The following DNAH8 variants were observed in gnomAD, a reference collection of about 807,000 sequenced individuals.
DNAH8 encodes the protein dynein axonemal heavy chain 8, also known as axonemal beta dynein heavy chain 8.
DNAH8 carries 382 observed loss-of-function variants against 562.1 expected under a neutral mutation model. The ratio of observed to expected loss-of-function variants is 0.68; its 90% CI spans 0.63 to 0.74. The LOEUF is 0.74. Among genes scored for constraint, DNAH8 ranks in the 30% least tolerant of loss-of-function variants. The pLI is 0.00. For missense variants in DNAH8, 5,203 were observed against 5,620.4 expected (o/e 0.93, Z 2.37); for synonymous variants, 1,881 against 1,919.4 (o/e 0.98, Z 0.52).
chr6:38,822,768 A>C, intron 26 of DNAH8, 70 bp from the exon 27 acceptor site: 1 of 1,147,908 alleles, frequency 8.7e-7, no homozygotes, highest in African/African-American at 1.6e-5. Context: ...AAGAATCACA[A>C]ATATTAAAAC....
At chr6:38,977,586 G>A (rs1007018763) in intron 85 of DNAH8, among the ~76,000 whole-genome samples, 1 of 152,134 alleles carries the variant, frequency 6.6e-6, no homozygotes, top group Non-Finnish European at 1.5e-5. Context: ...TTCCTGGGTG[G>A]TGTAGCATCC....
intron 32 of DNAH8, among the ~76,000 whole-genome samples, chr6:38,835,675 T>C (rs1419802139): frequency 1.3e-5 from 2 of 151,810 alleles, no homozygotes; most frequent in Admixed American, 1.3e-4. Flanking sequence ...TATGGGGAGA[T>C]GTAAGGAGTG....
intron 36 of DNAH8, 59 bp from the exon 37 acceptor site, chr6:38,848,588 AG>A (rs1408974502): frequency 2.2e-6 from 3 of 1,376,834 alleles, no homozygotes; most frequent in Non-Finnish European, 3.0e-6. Flanking sequence ...TACTTCGGTA[AG>A]GCCATACTAT....
chr6:38,740,345 C>T (rs975416943), intron 7 of DNAH8, among the ~76,000 whole-genome samples: 1 of 152,156 alleles, frequency 6.6e-6, no homozygotes, highest in African/African-American at 2.4e-5. Flanking sequence ...TGATATACCT[C>T]CCCATTTAGG....
intron 7 of DNAH8, among the ~76,000 whole-genome samples, chr6:38,738,445 T>G (rs1390459905): frequency 6.6e-6 from 1 of 152,190 alleles, no homozygotes; most frequent in Non-Finnish European, 1.5e-5. Flanking sequence ...GGTCAAATTT[T>G]TTCTGGCAGT....
rs747278340 is a variant in DNAH8, at chr6:38,908,041, C to T, written c.9434C>T (p.Pro3145Leu). The T allele has an allele frequency of 6.2e-7, 1 of 1,612,160 alleles. No individual in the cohort carries two copies. Among genetic ancestry groups the T allele is most frequent in the Admixed American group, 1.7e-5 (1 of 59,866 alleles). The stretch of plus-strand genomic sequence containing the variant: ...ATGAAGAGGGAGCTACCTCGCCATC[C>T]TCCTACCTTTGATAATTTGTATGAA... Reference protein sequence around the residue: ...SVMKRELPRHPPTFDNLYEYF... With the variant: ...SVMKRELPRHLPTFDNLYEYF... The change falls in exon 64 of 93, where the codon CCT becomes CTT. Residue 3145 changes from proline to leucine, a missense_variant. Pro to Leu is a moderately conservative substitution (Grantham distance 98). Around this residue, in one of 6 missense-constraint regions of DNAH8, gnomAD observed 977 missense variants for 1,061.8 expected, o/e 0.92. Transcript: ENST00000327475.
intron 17 of DNAH8, among the ~76,000 whole-genome samples, chr6:38,786,243 A>G (rs902084194): frequency 2.0e-5 from 3 of 152,230 alleles, no homozygotes; most frequent in African/African-American, 7.2e-5. Context: ...CCTCCTTTCC[A>G]GGATTTCACA....
rs374663858 is a variant in DNAH8 at position 38,917,290 on chromosome 6, C to A, written c.10192C>A (p.His3398Asn). The A allele has an allele frequency of 1.2e-6, 2 of 1,613,272 alleles. No individual in the cohort carries two copies. The highest frequency in any genetic ancestry group is 1.7e-5 in the Admixed American group (1 of 59,974). The change falls in exon 69 of 93, where the codon CAT (histidine) becomes AAT (asparagine). Residue 3398 changes from histidine (H) to asparagine (N), a missense_variant. This residue lies in a region of DNAH8 where 87 missense variants were observed against 144.9 expected (regional missense o/e 0.60). Coordinates refer to ENST00000327475, the MANE Select transcript of DNAH8 (RefSeq NM_001206927.2). The stretch of plus-strand genomic sequence containing the variant: ...AGTCAGGAAACTTGCAAAACCACCA[C>A]ATCTTATTATGAGAATCATGGACTG... ...ATVRKLAKPPHLIMRIMDCVL... is the reference protein window; with the variant it reads ...ATVRKLAKPPNLIMRIMDCVL...
At chr6:38,884,585 C>T (rs576771713) in intron 56 of DNAH8, among the ~76,000 whole-genome samples, 59 of 152,264 alleles carry the variant, frequency 3.9e-4, no homozygotes, top group African/African-American at 1.3e-3. Flanking sequence ...TGAGCCATCA[C>T]ACCTGTCTCC....
intron 9 of DNAH8, 102 bp from the exon 10 acceptor site, chr6:38,755,870 C>A: frequency 1.4e-6 from 1 of 702,162 alleles, no homozygotes; most frequent in South Asian, 1.7e-5. Flanking sequence ...GCTAAAAATG[C>A]TATACTATTT....
At chr6:38,981,452 C>T (rs1764029629) in intron 85 of DNAH8, among the ~76,000 whole-genome samples, 1 of 152,166 alleles carries the variant, frequency 6.6e-6, no homozygotes, top group Non-Finnish European at 1.5e-5. Flanking sequence ...CAGTTAGCCA[C>T]TATTGCACAG....
chr6:38,899,657 C>T (rs989484732), intron 61 of DNAH8, 119 bp from the exon 62 acceptor site: 43 of 1,084,802 alleles, frequency 4.0e-5, no homozygotes, highest in African/African-American at 6.4e-5. Context: ...AGACCATTAA[C>T]GAGGAAAAAG....
At chr6:38,962,934 A>G (rs185653104) in intron 82 of DNAH8, among the ~76,000 whole-genome samples, 26 of 152,308 alleles carry the variant, frequency 1.7e-4, no homozygotes, top group African/African-American at 6.3e-4. Context: ...ATGAGGACAC[A>G]AAGGCCTAAG....
chr6:38,895,842 A>G (rs887706979), intron 59 of DNAH8, among the ~76,000 whole-genome samples, 191 bp from the exon 60 acceptor site: 3 of 152,214 alleles, frequency 2.0e-5, no homozygotes, highest in East Asian at 3.8e-4. Flanking sequence ...TGTGTTTTCT[A>G]TAAGTAGTGC....
intron 11 of DNAH8, chr6:38,763,062 A>G: frequency 2.6e-6 from 1 of 380,126 alleles, no homozygotes; most frequent in South Asian, 2.1e-5. Context: ...GTGGTTTTAA[A>G]ACATCATGGA....
chr6:38,835,790 A>G (rs1774233868), intron 32 of DNAH8, among the ~76,000 whole-genome samples: 1 of 152,282 alleles, frequency 6.6e-6, no homozygotes. Flanking sequence ...CCGGTAGGCA[A>G]TAATAAGGAG....
At chr6:38,732,256 C>T (rs567954666) in intron 4 of DNAH8, among the ~76,000 whole-genome samples, 2 of 152,294 alleles carry the variant, frequency 1.3e-5, no homozygotes, top group African/African-American at 2.4e-5. Context: ...TCACATCTCT[C>T]CTCTTCATCA....
At chr6:38,719,821 C>A (rs762598406) in intron 1 of DNAH8, among the ~76,000 whole-genome samples, 28 of 152,174 alleles carry the variant, frequency 1.8e-4, no homozygotes, top group Non-Finnish European at 1.3e-4. Context: ...CATTAAGCTG[C>A]AGCCCTAAAA....
chr6:38,879,092 A>C (rs779164367), intron 53 of DNAH8, among the ~76,000 whole-genome samples: 10 of 152,172 alleles, frequency 6.6e-5, no homozygotes, highest in Non-Finnish European at 1.0e-4. Flanking sequence ...ATTTGTAGTT[A>C]AAAACCTTCC....
Sources: allele counts gnomAD v4.1 joint callset (sites outside exome capture counted in the v4.1 genomes callset), GRCh38; gene constraint gnomAD v4.1.1; regional missense constraint gnomAD v4.1.1; transcripts MANE v1.5; gene names NCBI Gene and HGNC (gene_info 2026-07-23, HGNC 2026-07-21).